ASIC2: variants seen among roughly 807,000 people sequenced by gnomAD.
The protein encoded by ASIC2 is acid sensing ion channel subunit 2, also known as acid-sensing ion channel 2.
In ASIC2, 25 loss-of-function variants were observed where a neutral mutation model predicts 57.3. The ratio of observed to expected loss-of-function variants is 0.44; its 90% CI spans 0.32 to 0.61. The LOEUF (loss-of-function observed/expected upper bound fraction) is 0.61. Ranked by LOEUF, ASIC2 falls within the 20% of genes least tolerant of loss-of-function variation. The pLI, the probability that ASIC2 is intolerant of heterozygous loss-of-function variation, is 0.06. For synonymous variants in ASIC2, 319 were observed against 307.5 expected (o/e 1.04, Z -0.39); for missense variants, 641 against 738.1 (o/e 0.87, Z 1.52).
chr17:33,100,544 A>G, intron 2 of ASIC2, among the ~76,000 whole-genome samples: 1 of 152,122 alleles, frequency 6.6e-6, no homozygotes, highest in East Asian at 1.9e-4. Context: ...ATCTTCTATC[A>G]CAGCACTTGG....
At chr17:33,509,929 G>A (rs892626706) in intron 1 of ASIC2, among the ~76,000 whole-genome samples, 4 of 152,204 alleles carry the variant, frequency 2.6e-5, no homozygotes, top group Non-Finnish European at 5.9e-5. Context: ...GTCCTACTGT[G>A]TAAAAAGAAG....
intron 1 of ASIC2, among the ~76,000 whole-genome samples, chr17:33,998,283 C>T: frequency 6.6e-6 from 1 of 151,800 alleles, no homozygotes; most frequent in Non-Finnish European, 1.5e-5. Context: ...TTTCTTAGTC[C>T]AGCTAAAGGT....
intron 1 of ASIC2, among the ~76,000 whole-genome samples, chr17:33,892,243 A>T (rs1914983021): frequency 6.6e-6 from 1 of 152,216 alleles, no homozygotes; most frequent in African/African-American, 2.4e-5. Flanking sequence ...GGAAACAGAA[A>T]ATATGATAGC....
intron 1 of ASIC2, among the ~76,000 whole-genome samples, chr17:33,275,508 G>C (rs1256351803): frequency 6.6e-6 from 1 of 152,174 alleles, no homozygotes; most frequent in East Asian, 1.9e-4. Flanking sequence ...TCGTAAACTA[G>C]CATCGGCCCT....
intron 1 of ASIC2, among the ~76,000 whole-genome samples, chr17:34,131,874 A>G (rs1214008570): frequency 6.6e-6 from 1 of 152,158 alleles, no homozygotes; most frequent in East Asian, 1.9e-4. Flanking sequence ...GTGCTGGCCC[A>G]CTGACGAATT....
intron 1 of ASIC2, among the ~76,000 whole-genome samples, chr17:34,119,399 T>C (rs569198414): frequency 1.3e-5 from 2 of 152,320 alleles, no homozygotes; most frequent in Admixed American, 1.3e-4. Flanking sequence ...GCCTAATTTT[T>C]ATACAACATG....
At chr17:33,906,220 C>T (rs1031068977) in intron 1 of ASIC2, among the ~76,000 whole-genome samples, 3 of 152,082 alleles carry the variant, frequency 2.0e-5, no homozygotes, top group Non-Finnish European at 4.4e-5. Flanking sequence ...ATGGTCTTCT[C>T]CGGGTCTCAG....
At chr17:34,037,774 C>A in intron 1 of ASIC2, 1 of 1,614,196 alleles carries the variant, frequency 6.2e-7, no homozygotes. Flanking sequence ...TTCGGTAGGC[C>A]AAGCATCGTC....
intron 1 of ASIC2, among the ~76,000 whole-genome samples, chr17:33,433,270 G>C (rs919985473): frequency 2.0e-5 from 3 of 152,162 alleles, no homozygotes. Flanking sequence ...GGAGCTGGAG[G>C]CCATCATCCT....
At chr17:33,931,983 CGGGCTCAATTTATATCCTCTCTACTTCT>C (rs1230891580) in intron 1 of ASIC2, among the ~76,000 whole-genome samples, 6 of 152,306 alleles carry the variant, frequency 3.9e-5, no homozygotes, top group Admixed American at 1.3e-4. Flanking sequence ...CTGGGTCTGT[CGGGCTCAATTTATATCCTCTCTACTTCT>C]GGGCTCAATT....
At chr17:33,264,558 G>A (rs1161382002) in intron 1 of ASIC2, among the ~76,000 whole-genome samples, 1 of 152,232 alleles carries the variant, frequency 6.6e-6, no homozygotes, top group African/African-American at 2.4e-5. Context: ...CAGGCCACGT[G>A]CATCTCTCAC....
intron 1 of ASIC2, among the ~76,000 whole-genome samples, chr17:33,608,705 G>A (rs1905298923): frequency 6.6e-6 from 1 of 152,168 alleles, no homozygotes; most frequent in South Asian, 2.1e-4. Context: ...ATTTGAGGAA[G>A]AGGAGAGCTT....
At chr17:33,199,911 A>T (rs1202500504) in intron 1 of ASIC2, among the ~76,000 whole-genome samples, 1 of 152,150 alleles carries the variant, frequency 6.6e-6, no homozygotes, top group Non-Finnish European at 1.5e-5. Context: ...ACTGCCTCTG[A>T]GACCTGTCTC....
intron 1 of ASIC2, among the ~76,000 whole-genome samples, chr17:34,028,597 C>T (rs558698734): frequency 1.3e-5 from 2 of 152,308 alleles, no homozygotes; most frequent in African/African-American, 2.4e-5. Flanking sequence ...CCGCTAGGAT[C>T]ATTATTTCAC....
chr17:33,490,197 C>T (rs1268405402), intron 1 of ASIC2, among the ~76,000 whole-genome samples: 1 of 152,190 alleles, frequency 6.6e-6, no homozygotes, highest in Non-Finnish European at 1.5e-5. Context: ...GCTATAGAGA[C>T]TGTATGGCCT....
At chr17:34,001,200 C>T (rs568506728) in intron 1 of ASIC2, 1 of 152,234 alleles carries the variant, frequency 6.6e-6, no homozygotes, top group East Asian at 1.9e-4. Flanking sequence ...TAGGTACCTC[C>T]TTCAGTCTTT....
chr17:34,128,606 C>A (rs1358875460), intron 1 of ASIC2, among the ~76,000 whole-genome samples: 3 of 152,178 alleles, frequency 2.0e-5, no homozygotes, highest in Admixed American at 6.5e-5. Context: ...CTGCCTACCC[C>A]ACATTTATGG....
At chr17:34,031,732 C>T (rs1264435576) in intron 1 of ASIC2, among the ~76,000 whole-genome samples, 1 of 151,936 alleles carries the variant, frequency 6.6e-6, no homozygotes, top group Non-Finnish European at 1.5e-5. Context: ...CCTCAGTAGC[C>T]AATGCGATCA....
intron 1 of ASIC2, among the ~76,000 whole-genome samples, chr17:33,116,528 C>T (rs138916348): frequency 1.3e-3 from 203 of 152,330 alleles, no homozygotes; most frequent in Non-Finnish European, 2.1e-3. Flanking sequence ...GGCAGGGCTG[C>T]ATTTGCCGGG....
Sources: gnomAD v4.1 joint callset for allele counts (sites outside exome capture counted in the v4.1 genomes callset) on GRCh38, gnomAD v4.1.1 for gene constraint, MANE v1.5 for transcripts, NCBI Gene and HGNC (gene_info 2026-07-23, HGNC 2026-07-21) for gene names.